The following ABCB7 variants were observed in gnomAD, a reference collection of about 807,000 sequenced individuals.
ABCB7 encodes the protein iron-sulfur clusters transporter ABCB7, mitochondrial.
ABCB7 carries 7 observed loss-of-function variants against 54.4 expected under a neutral mutation model. That is an observed-to-expected ratio of 0.13 (90% confidence interval 0.07 to 0.24). The LOEUF (loss-of-function observed/expected upper bound fraction) is 0.24. ABCB7 is among the 10% of genes least tolerant of loss of function. The pLI is 1.00. For synonymous variants in ABCB7, 218 were observed against 207.1 expected, an observed-to-expected ratio of 1.05 and a Z score of -0.45; for missense variants, 356 against 570.4, an observed-to-expected ratio of 0.62 and a Z score of 3.83.
chrX:75,065,328 G>C (rs2081310296), intron 12 of ABCB7, 87 bp from the exon 13 acceptor site: 2 of 889,564 alleles, frequency 2.2e-6, no homozygotes, highest in Non-Finnish European at 3.1e-6. Context: ...AAATAGTAAA[G>C]AGACAAAGGC....
At position 75,070,481 on chromosome X, in the gene ABCB7, G is replaced by A. The variant is rs2081355180; in HGVS notation, c.1249C>T (p.Leu417Phe). 1 of 1,210,325 alleles carries A rather than the reference G, an allele frequency of 8.3e-7. No homozygotes were observed. The highest frequency in any genetic ancestry group is 3.0e-5 in the East Asian group (1 of 33,763). ...TTCAGGGGTAATGAAAGCTGAAAAA[G>A]CAGTCCATTCACCATTACTAGATCT... ...VGDLVMVNGL[L>F]FQLSLPLNFL... The change falls in exon 10 of 16, where the codon CTT (leucine) becomes TTT (phenylalanine). Residue 417 changes from leucine to phenylalanine, a missense_variant. This residue lies in a region of ABCB7 where 241 missense variants were observed against 470.9 expected (regional missense o/e 0.51). Transcript: ENST00000373394.
intron 1 of ABCB7, among the ~76,000 whole-genome samples, chrX:75,116,573 G>A (rs1173068462): frequency 9.0e-6 from 1 of 111,485 alleles, no homozygotes; most frequent in Non-Finnish European, 1.9e-5. Context: ...ATACCACACA[G>A]ACATCTGCAA....
chrX:75,096,043 A>G (rs2081587832), intron 4 of ABCB7, among the ~76,000 whole-genome samples: 2 of 112,149 alleles, frequency 1.8e-5, no homozygotes, highest in Admixed American at 9.4e-5. Flanking sequence ...AATTAAAAAG[A>G]AAGTCTAGAA....
chrX:75,054,615 T>C (rs1025442629), intron 15 of ABCB7, among the ~76,000 whole-genome samples: 11 of 110,180 alleles, frequency 1.0e-4, no homozygotes, highest in Non-Finnish European at 1.9e-4. Flanking sequence ...TGTGTCACTA[T>C]TGGAAATCTC....
At position 75,115,410 on chromosome X, in the gene ABCB7, C is replaced by CTT. The variant is rs747398607; in HGVS notation, c.169-581_169-580dup. 6.6e-3 allele frequency among the ~76,000 whole-genome samples: 199 copies of CTT among 30,133 alleles called. 17 individuals carry two copies. Among genetic ancestry groups the CTT allele is most frequent in the African/African-American group, 0.034 (188 of 5,525 alleles). 26.2% of individuals were successfully genotyped at this position (30,133 alleles called of 115,157 possible). On this transcript the variant is annotated intron_variant, in intron 1 of 15. Transcript: ENST00000373394. The stretch of plus-strand genomic sequence containing the variant: ...TTTCTTTCTGGTTTCTGTCTCTTTT[C>CTT]TTTTTTTTTTTTTTTTTTTTTTTTT...
intron 1 of ABCB7, among the ~76,000 whole-genome samples, chrX:75,151,963 C>A (rs761804348): frequency 9.0e-6 from 1 of 111,367 alleles, no homozygotes; most frequent in Non-Finnish European, 1.9e-5. Flanking sequence ...TATTCAATAT[C>A]ATTCCTTCCA....
rs1281206236 is a variant in ABCB7, at chrX:75,080,991, T to C, written c.454-4337A>G. On this transcript the variant is annotated intron_variant, in intron 4 of 15. Transcript: ENST00000373394. ...TTCAGCAGTAATGAGGAATCTCTTCTGCCAGGAGCCAATAGAGGCCCAAGT... is the reference window on the plus strand; with the variant it reads ...TTCAGCAGTAATGAGGAATCTCTTCCGCCAGGAGCCAATAGAGGCCCAAGT... 2.7e-5 allele frequency among the ~76,000 whole-genome samples: 3 copies of C among 111,518 alleles called. No individual in the cohort carries two copies. In the East Asian group the frequency reaches 8.4e-4, roughly 31 times the overall value.
At position 75,053,450 on chromosome X, in the gene ABCB7, T is replaced by A. The variant is rs765601526; in HGVS notation, c.2179A>T (p.Ile727Leu). The change falls in exon 16 of 16, where the codon ATA becomes TTA. Residue 727 changes from isoleucine (I) to leucine (L), a missense_variant. Physicochemically the swap from Ile to Leu is conservative, Grantham distance 5. This residue lies in a region of ABCB7 where 241 missense variants were observed against 470.9 expected (regional missense o/e 0.51). Transcript: ENST00000373394. ...NPKWEAKKEN[I>L]SKEEERKKLQ... ...TTCTTTCTTTCCTCCTCTTTGGATA[T>A]ATTTTCTTTCTTTGCTTCCCATTTG... 3 of 1,211,361 alleles carry A rather than the reference T, an allele frequency of 2.5e-6. No individual in the cohort carries two copies. The Admixed American group carries it at 6.5e-5, about 26-fold the overall frequency.
chrX:75,153,710 A>G (rs2082149920), intron 1 of ABCB7, among the ~76,000 whole-genome samples: 1 of 99,495 alleles, frequency 1.0e-5, no homozygotes, highest in Non-Finnish European at 2.0e-5. Context: ...GAATTCCAGT[A>G]ATCACATACA....
At chrX:75,080,408 G>A (rs773544141) in intron 4 of ABCB7, among the ~76,000 whole-genome samples, 11 of 111,487 alleles carry the variant, frequency 9.9e-5, no homozygotes, top group East Asian at 2.8e-4. Flanking sequence ...GGGTTCAAGC[G>A]ATTCTCCTGC....
At chrX:75,090,649 A>C (rs1230426543) in intron 4 of ABCB7, among the ~76,000 whole-genome samples, 1 of 110,704 alleles carries the variant, frequency 9.0e-6, no homozygotes, top group Non-Finnish European at 1.9e-5. Context: ...TTGGGGCAGA[A>C]ATCAATGAAA....
intron 13 of ABCB7, among the ~76,000 whole-genome samples, chrX:75,064,388 A>G (rs2081302737): frequency 9.0e-6 from 1 of 111,295 alleles, no homozygotes; most frequent in Non-Finnish European, 1.9e-5. Flanking sequence ...TTCCTGCCCA[A>G]ACTAAACTAG....
At chrX:75,096,439 A>G (rs1218581873) in intron 4 of ABCB7, among the ~76,000 whole-genome samples, 1 of 111,696 alleles carries the variant, frequency 9.0e-6, no homozygotes, top group Non-Finnish European at 1.9e-5. Flanking sequence ...TCTTAACTGT[A>G]CAGTCACTCC....
intron 1 of ABCB7, among the ~76,000 whole-genome samples, chrX:75,118,773 C>T (rs1439927353): frequency 8.9e-6 from 1 of 111,756 alleles, no homozygotes; most frequent in Non-Finnish European, 1.9e-5. Flanking sequence ...ATCAGAGAAG[C>T]ATGCTCTTAG....
rs749078105 is a variant in ABCB7 at position 75,065,105 on chromosome X, T to A, written c.1796A>T (p.Asp599Val). The A allele has an allele frequency of 1.5e-5, 18 of 1,211,227 alleles. No individual in the cohort carries two copies. In the South Asian group the frequency reaches 3.0e-4, roughly 20 times the overall value. Residue 599 changes from aspartate (D) to valine (V), a missense_variant, in exon 13 of 16, where the codon GAC becomes GTC. Asp to Val is a radical substitution (Grantham distance 152, BLOSUM62 -3). Coordinates refer to ENST00000373394, the MANE Select transcript of ABCB7 (RefSeq NM_001271696.3). ...GAGTCCTCGTTCCCCTACTTGGGTG[T>A]CATATCCATGTGGCATTCGAAGAAT... Reference protein sequence around the residue: ...DAILRMPHGYDTQVGERGLKL... With the variant: ...DAILRMPHGYVTQVGERGLKL...
chrX:75,155,051 A>G (rs1050938844), intron 1 of ABCB7, among the ~76,000 whole-genome samples: 1 of 112,532 alleles, frequency 8.9e-6, no homozygotes, highest in African/African-American at 3.2e-5. Flanking sequence ...CTGGATGCCT[A>G]TAGCCTTTAT....
At chrX:75,089,463 G>T (rs1210231975) in intron 4 of ABCB7, among the ~76,000 whole-genome samples, 1 of 110,653 alleles carries the variant, frequency 9.0e-6, no homozygotes, top group Non-Finnish European at 1.9e-5. Flanking sequence ...CCATGAAGCA[G>T]TAATAGTGTC....
chrX:75,143,027 G>C, intron 1 of ABCB7, among the ~76,000 whole-genome samples: 1 of 112,392 alleles, frequency 8.9e-6, no homozygotes, highest in South Asian at 3.7e-4. Flanking sequence ...CTCTAAGCTA[G>C]TAACATTTAA....
At position 75,071,630 on chromosome X, in the gene ABCB7, C is replaced by A; in HGVS notation, c.1086G>T (p.Thr362=). 1 of 1,204,729 alleles carries A rather than the reference C, an allele frequency of 8.3e-7. No individual in the cohort carries two copies. Among genetic ancestry groups the A allele is most frequent in the South Asian group, 1.8e-5 (1 of 56,631 alleles). The change falls in exon 9 of 16, where the codon ACG becomes ACT. Residue 362 remains threonine, a synonymous_variant. Coordinates refer to ENST00000373394, the MANE Select transcript of ABCB7 (RefSeq NM_001271696.3). The stretch of plus-strand genomic sequence containing the variant: ...TACTTTTCAATGAAGCAGTCTCATA[C>A]GTCTTCAAAAATCCATCATATCTCT... ...EAQRYDGFLK[T]YETASLKSTS... is the part of the protein sequence containing the mutation.
Sources: allele counts gnomAD v4.1 joint callset (sites outside exome capture counted in the v4.1 genomes callset), GRCh38; gene constraint gnomAD v4.1.1; regional missense constraint gnomAD v4.1.1; transcripts MANE v1.5; gene names NCBI Gene and HGNC (gene_info 2026-07-23, HGNC 2026-07-21).